GTF2A1L: variants seen among roughly 807,000 people sequenced by gnomAD.
GTF2A1L encodes general transcription factor IIA subunit 1 like.
A neutral mutation model predicts 49.7 loss-of-function variants in GTF2A1L; 48 were observed. The observed-to-expected ratio is 0.97, with a 90% confidence interval of 0.77 to 1.23. GTF2A1L has a LOEUF of 1.23. Among genes scored for constraint, GTF2A1L ranks in the 50% most tolerant of loss-of-function variants. The probability of loss-of-function intolerance (pLI) is 0.00; values close to 1 mark genes in which losing one functional copy is unlikely to be tolerated. For missense variants in GTF2A1L, 736 were observed against 564.8 expected (o/e 1.30, Z -3.07); for synonymous variants, 246 against 193.5 (o/e 1.27, Z -2.25).
At chr2:48,635,913 A>T in intron 3 of GTF2A1L, among the ~76,000 whole-genome samples, 1 of 151,524 alleles carries the variant, frequency 6.6e-6, no homozygotes, top group Non-Finnish European at 1.5e-5. Context: ...GATTGGGAGG[A>T]AAAAAAAAGT....
At chr2:48,645,646 C>G (rs6747134) in intron 5 of GTF2A1L, among the ~76,000 whole-genome samples, 14,574 of 152,064 alleles carry the variant, frequency 0.096, 1,085 homozygotes, top group African/African-American at 0.21. Flanking sequence ...ACTCAACACT[C>G]AAAAATAAGT....
At chr2:48,618,470 C>T (rs1675786722) in intron 1 of GTF2A1L, among the ~76,000 whole-genome samples, 1 of 152,156 alleles carries the variant, frequency 6.6e-6, no homozygotes, top group South Asian at 2.1e-4. Flanking sequence ...AGGAGACCAT[C>T]AATCTTAAAA....
intron 8 of GTF2A1L, among the ~76,000 whole-genome samples, chr2:48,678,360 C>T: frequency 6.6e-6 from 1 of 151,886 alleles, no homozygotes; most frequent in East Asian, 1.9e-4. Flanking sequence ...GGGAATAAAA[C>T]TCAGAAAAAA....
At chr2:48,636,658 A>G (rs578146470) in intron 3 of GTF2A1L, among the ~76,000 whole-genome samples, 8 of 152,292 alleles carry the variant, frequency 5.3e-5, no homozygotes, top group Admixed American at 2.0e-4. Flanking sequence ...CACCCTGAAA[A>G]TGGTCTTAGG....
intron 6 of GTF2A1L, among the ~76,000 whole-genome samples, chr2:48,652,563 C>T (rs1490385579): frequency 6.6e-6 from 1 of 151,358 alleles, no homozygotes; most frequent in Non-Finnish European, 1.5e-5. Flanking sequence ...TGCAGTGAGC[C>T]AAGATCGTCC....
At position 48,640,525 on chromosome 2, in the gene GTF2A1L, T is replaced by C. The variant is rs566972833; in HGVS notation, c.248-1877T>C. Among the ~76,000 whole-genome samples the C allele has an allele frequency of 6.6e-5, 10 of 152,134 alleles. No homozygotes were observed. The South Asian group carries it at 2.1e-3, about 32-fold the overall frequency. ...AGGAAACAACAGACACTGGGTCTAC[T>C]TAAGGGTGGAGGGTGGGCGGGGGCA... On this transcript the variant is annotated intron_variant, in intron 3 of 8. Transcript: ENST00000403751.
chr2:48,631,961 G>A (rs189870663), intron 3 of GTF2A1L, among the ~76,000 whole-genome samples: 2 of 152,266 alleles, frequency 1.3e-5, no homozygotes, highest in Non-Finnish European at 1.5e-5. Context: ...ATGTAATTGT[G>A]TGATTTGGAA....
At chr2:48,632,016 T>C (rs1283387718) in intron 3 of GTF2A1L, among the ~76,000 whole-genome samples, 1 of 152,230 alleles carries the variant, frequency 6.6e-6, no homozygotes, top group Admixed American at 6.5e-5. Flanking sequence ...TTGTTGTTTT[T>C]TGCTTCCAAC....
intron 6 of GTF2A1L, among the ~76,000 whole-genome samples, chr2:48,657,472 A>G (rs932209014): frequency 2.0e-5 from 3 of 152,164 alleles, no homozygotes; most frequent in African/African-American, 7.2e-5. Context: ...CACGGTTTAT[A>G]TGTAACACAT....
At position 48,627,960 on chromosome 2, in the gene GTF2A1L, A is replaced by G. The variant is rs1240838811; in HGVS notation, c.247+6670A>G. 1.4e-5 allele frequency among the ~76,000 whole-genome samples: 2 copies of G among 144,174 alleles called. 1 individual carries two copies. The highest frequency in any genetic ancestry group is 3.1e-5 in the Non-Finnish European group (2 of 64,048). 94.6% of individuals were successfully genotyped at this position (144,174 alleles called of 152,430 possible). A position where few individuals can be genotyped will look rare whatever the true frequency, so the allele number is the denominator to read the frequency against. On this transcript the variant is annotated intron_variant, in intron 3 of 8. Coordinates refer to ENST00000403751, the MANE Select transcript of GTF2A1L (RefSeq NM_006872.5). Reference sequence around the variant, plus strand: ...ACTCAATGTTTAGCTTCTATTTGAAAGTAAGAATATGTGGTATTTGTTTTT... The same window carrying G: ...ACTCAATGTTTAGCTTCTATTTGAAGGTAAGAATATGTGGTATTTGTTTTT...
chr2:48,640,395 A>G (rs747374743), intron 3 of GTF2A1L, among the ~76,000 whole-genome samples: 1 of 152,200 alleles, frequency 6.6e-6, no homozygotes, highest in Non-Finnish European at 1.5e-5. Flanking sequence ...TTGTGGGAAC[A>G]TGGATGGAGC....
chr2:48,662,600 C>T (rs1483024859), intron 6 of GTF2A1L, among the ~76,000 whole-genome samples: 3 of 151,680 alleles, frequency 2.0e-5, no homozygotes, highest in Non-Finnish European at 2.9e-5. Context: ...GAAGGAATTC[C>T]CTCCCTTATT....
intron 8 of GTF2A1L, among the ~76,000 whole-genome samples, chr2:48,677,078 G>A (rs1679507389): frequency 6.6e-6 from 1 of 151,620 alleles, no homozygotes; most frequent in Admixed American, 6.6e-5. Context: ...CCATTGGTTT[G>A]TCTGTCCATA....
rs1295910634 is a variant in GTF2A1L, at chr2:48,630,014, T to C, written c.247+8724T>C. On this transcript the variant is annotated intron_variant, in intron 3 of 8. Coordinates refer to ENST00000403751, the MANE Select transcript of GTF2A1L (RefSeq NM_006872.5). ...TACTGTTGCTATGCTGTTTGGTTACTATAGACTTATAGTATGGGTGAAGTT... is the reference window on the plus strand; with the variant it reads ...TACTGTTGCTATGCTGTTTGGTTACCATAGACTTATAGTATGGGTGAAGTT... 1.4e-5 allele frequency among the ~76,000 whole-genome samples: 2 copies of C among 144,550 alleles called. 1 individual carries two copies. The highest frequency in any genetic ancestry group is 3.1e-5 in the Non-Finnish European group (2 of 64,110). The allele number at this position is 144,550 out of a possible 152,430, so 94.8% of individuals were successfully genotyped here.
chr2:48,628,737 A>G (rs188199782), intron 3 of GTF2A1L, among the ~76,000 whole-genome samples: 1 of 143,488 alleles, frequency 7.0e-6, no homozygotes, highest in African/African-American at 2.5e-5. Context: ...TCACTTGTCA[A>G]TTTTGTTTTT....
chr2:48,634,153 C>T (rs930805755), intron 3 of GTF2A1L, among the ~76,000 whole-genome samples: 1 of 152,188 alleles, frequency 6.6e-6, no homozygotes, highest in Non-Finnish European at 1.5e-5. Context: ...TGCTCTGTCA[C>T]TCAGGCTGGA....
intron 6 of GTF2A1L, among the ~76,000 whole-genome samples, chr2:48,653,920 CAAAAAAAAA>C (rs70946819): frequency 1.1e-4 from 12 of 108,672 alleles, no homozygotes; most frequent in East Asian, 2.5e-4. Flanking sequence ...GACTGTGTCT[CAAAAAAAAA>C]AAAAAAAAAA....
chr2:48,671,506 G>A, intron 7 of GTF2A1L, 85 bp from the exon 8 acceptor site: 1 of 1,410,466 alleles, frequency 7.1e-7, no homozygotes, highest in Non-Finnish European at 9.6e-7. Context: ...GCCGAGACAA[G>A]TTCCTTTATT....
Position 48,625,979 on chromosome 2 carries a change from C to T in GTF2A1L, c.247+4689C>T, listed in dbSNP as rs1676270009. ...AACAGGTTTTCCTCTGTGTTTTTGT[C>T]TTGGAGTTTTATGGTTTAAGGTCTT... On this transcript the variant is annotated intron_variant, in intron 3 of 8. Transcript: ENST00000403751. Among the ~76,000 whole-genome samples, 2 of 143,874 alleles carry T rather than the reference C, an allele frequency of 1.4e-5. 1 individual carries two copies. The highest frequency in any genetic ancestry group is 3.1e-5 in the Non-Finnish European group (2 of 63,954). 94.4% of individuals were successfully genotyped at this position (143,874 alleles called of 152,430 possible). A position where few individuals can be genotyped will look rare whatever the true frequency, so the allele number is the denominator to read the frequency against.
Sources: allele counts gnomAD v4.1 joint callset (sites outside exome capture counted in the v4.1 genomes callset), GRCh38; gene constraint gnomAD v4.1.1; transcripts MANE v1.5; gene names NCBI Gene and HGNC (gene_info 2026-07-23, HGNC 2026-07-21).